The following POLB variants were observed in gnomAD, a reference collection of about 807,000 sequenced individuals.
POLB encodes 5'-dRP lyase.
A neutral mutation model predicts 52.7 loss-of-function variants in POLB; 37 were observed. The observed-to-expected ratio is 0.70, with a 90% CI of 0.54 to 0.92. POLB has a LOEUF of 0.92. POLB is among the 40% of genes least tolerant of loss of function. The probability of loss-of-function intolerance (pLI) is 0.00; values close to 1 mark genes in which losing one functional copy is unlikely to be tolerated. For missense variants in POLB, 313 were observed against 400.8 expected (o/e 0.78, Z 1.87); for synonymous variants, 138 against 131.3 (o/e 1.05, Z -0.35).
intron 9 of POLB, among the ~76,000 whole-genome samples, chr8:42,360,122 A>AT (rs35244690): frequency 0.53 from 77,460 of 145,502 alleles, 21,824 homozygotes; most frequent in Non-Finnish European, 0.66. Flanking sequence ...TAATTTTTGT[A>AT]TTTTTTTTTT....
chr8:42,361,083 G>A, intron 9 of POLB: 1 of 684,582 alleles, frequency 1.5e-6, no homozygotes, highest in South Asian at 1.5e-5. Flanking sequence ...GCCAATTACT[G>A]TTGTCATCAC....
chr8:42,350,067 TA>T lies in POLB; in HGVS notation c.320+4del. 6.4e-7 allele frequency: 1 copy of T among 1,573,332 alleles called. No homozygotes were observed. The highest frequency in any genetic ancestry group is 8.7e-7 in the Non-Finnish European group (1 of 1,142,952). Reference sequence around the variant, plus strand: ...CCTGACTCGAGTTAGTGGCATTGGGTAAGAACTATTTTTTAAGCAGACACAA... The same window carrying T: ...CCTGACTCGAGTTAGTGGCATTGGGTAGAACTATTTTTTAAGCAGACACAA... On this transcript the variant is annotated splice_donor_region_variant and intron_variant, in intron 5 of 13. Transcript: ENST00000265421.
At chr8:42,349,668 A>G (rs1021901727) in intron 4 of POLB, among the ~76,000 whole-genome samples, 9 of 152,240 alleles carry the variant, frequency 5.9e-5, no homozygotes, top group Non-Finnish European at 1.0e-4. Context: ...GATTACAGGC[A>G]TGAGCCACCA....
At chr8:42,356,409 A>G (rs994886749) in intron 7 of POLB, among the ~76,000 whole-genome samples, 1 of 152,158 alleles carries the variant, frequency 6.6e-6, no homozygotes, top group Non-Finnish European at 1.5e-5. Flanking sequence ...TTCACACTGA[A>G]TTTCCTAACA....
intron 2 of POLB, among the ~76,000 whole-genome samples, chr8:42,340,535 G>C (rs753383567): frequency 3.3e-5 from 5 of 152,086 alleles, no homozygotes; most frequent in Non-Finnish European, 5.9e-5. Context: ...AACAATGCTG[G>C]TCCCAGGCAT....
At chr8:42,358,659 T>C (rs1823484014) in intron 9 of POLB, among the ~76,000 whole-genome samples, 1 of 152,216 alleles carries the variant, frequency 6.6e-6, no homozygotes. Context: ...TCAGGAATAC[T>C]CTGGGTAGCT....
intron 10 of POLB, 97 bp from the exon 11 acceptor site, chr8:42,362,513 CAA>C (rs1172146562): frequency 1.3e-6 from 1 of 747,768 alleles, no homozygotes; most frequent in Non-Finnish European, 2.3e-6. Context: ...CCAGCCTGTG[CAA>C]TATAGCAAGA....
chr8:42,361,147 C>A (rs926556067), intron 9 of POLB, 148 bp from the exon 10 acceptor site: 1 of 709,746 alleles, frequency 1.4e-6, no homozygotes, highest in Non-Finnish European at 2.6e-6. Context: ...AAATTGAAAT[C>A]TTTTAACTAA....
At chr8:42,357,556 C>T (rs930430575) in intron 9 of POLB, 164 bp downstream of exon 9, 7 of 498,838 alleles carry the variant, frequency 1.4e-5, no homozygotes, top group African/African-American at 4.0e-5. Context: ...GAATATGTAA[C>T]TAGGGGAAAT....
intron 3 of POLB, among the ~76,000 whole-genome samples, chr8:42,345,930 T>G (rs1181509443): frequency 6.6e-6 from 1 of 152,218 alleles, no homozygotes; most frequent in Non-Finnish European, 1.5e-5. Flanking sequence ...CTTTTTTGTT[T>G]GTTGGTTTTG....
chr8:42,362,792 A>G, intron 11 of POLB, 94 bp downstream of exon 11: 2 of 695,762 alleles, frequency 2.9e-6, no homozygotes, highest in South Asian at 1.7e-5. Flanking sequence ...GCTTTGAATT[A>G]CAGTCACCAA....
chr8:42,369,819 A>G, intron 12 of POLB, 30 bp from the exon 13 acceptor site: 1 of 1,510,670 alleles, frequency 6.6e-7, no homozygotes. Context: ...TGCATGGTAA[A>G]AAAATGTATC....
At chr8:42,348,447 TG>T (rs1822766958) in intron 3 of POLB, among the ~76,000 whole-genome samples, 1 of 152,220 alleles carries the variant, frequency 6.6e-6, no homozygotes. Context: ...TGTACCATGT[TG>T]GAATGTGCAG....
chr8:42,355,492 C>G (rs1485037905), intron 6 of POLB, 24 bp from the exon 7 acceptor site: 1 of 1,364,644 alleles, frequency 7.3e-7, no homozygotes, highest in African/African-American at 1.4e-5. Flanking sequence ...ATTAACATGT[C>G]AACTTTATTT....
At chr8:42,339,383 G>T (rs1283360268) in intron 2 of POLB, 3 of 350,858 alleles carry the variant, frequency 8.6e-6, no homozygotes, top group Non-Finnish European at 1.6e-5. Flanking sequence ...TCCATACTGT[G>T]AAATATATGT....
intron 10 of POLB, 84 bp from the exon 11 acceptor site, chr8:42,362,528 G>A: frequency 4.7e-6 from 4 of 848,542 alleles, no homozygotes; most frequent in African/African-American, 1.7e-5. Flanking sequence ...TAGCAAGACT[G>A]TGTCTCTAAA....
intron 13 of POLB, among the ~76,000 whole-genome samples, chr8:42,370,397 T>C (rs1427942579): frequency 6.6e-6 from 1 of 152,082 alleles, no homozygotes; most frequent in Non-Finnish European, 1.5e-5. Flanking sequence ...CTTTTAAAGT[T>C]TAAAGAATAA....
chr8:42,346,363 T>C lies in POLB; in HGVS notation c.186+1344T>C, dbSNP rs146333987. On this transcript the variant is annotated intron_variant, in intron 3 of 13. Coordinates refer to ENST00000265421, the MANE Select transcript of POLB (RefSeq NM_002690.3). ...AACCTTCTCAGGAGATGAGCCATAA[T>C]TGCCCTTTTTTTTCTTTTTTCTTTT... 1.8e-3 allele frequency among the ~76,000 whole-genome samples: 267 copies of C among 151,866 alleles called. 3 individuals carry two copies. Among genetic ancestry groups the C allele is most frequent in the African/African-American group, 5.9e-3 (243 of 41,438 alleles).
At chr8:42,342,519 C>CTG in intron 2 of POLB, 1 of 888,808 alleles carries the variant, frequency 1.1e-6, no homozygotes. Flanking sequence ...TATTTTTATC[C>CTG]TGTATTACCA....
Sources: gnomAD v4.1 joint callset for allele counts (sites outside exome capture counted in the v4.1 genomes callset) on GRCh38, gnomAD v4.1.1 for gene constraint, MANE v1.5 for transcripts, NCBI Gene and HGNC (gene_info 2026-07-23, HGNC 2026-07-21) for gene names.